The following LIG3 variants were observed in gnomAD, a reference collection of about 807,000 sequenced individuals.
LIG3 encodes DNA ligase 3, also known as ligase II, DNA, ATP-dependent.
A neutral mutation model predicts 110.9 loss-of-function variants in LIG3; 58 were observed. The observed-to-expected ratio is 0.52, with a 90% CI of 0.42 to 0.65. The LOEUF is 0.65. Among genes scored for constraint, LIG3 ranks in the 30% least tolerant of loss-of-function variants. The pLI is 0.00. For synonymous variants in LIG3, 422 were observed against 472.8 expected (o/e 0.89, Z 1.39); for missense variants, 1,094 against 1,273.8 (o/e 0.86, Z 2.15).
At chr17:35,003,052 A>AG in intron 19 of LIG3, 1 of 1,614,154 alleles carries the variant, frequency 6.2e-7, no homozygotes, top group Non-Finnish European at 8.5e-7. Flanking sequence ...GAGATAGAAC[A>AG]GCCCGGCCTA....
rs775715005 is a variant in LIG3, at chr17:34,983,353, A to T, written c.348A>T (p.Val116=). 2.0e-5 allele frequency: 32 copies of T among 1,614,146 alleles called. No homozygotes were observed. Among genetic ancestry groups the T allele is most frequent in the Middle Eastern group, 3.3e-4 (2 of 6,084 alleles). ...KKCKEKIVKG[V]CRIGKVVPNP... is the part of the protein sequence containing the mutation. ...GCAAGGAAAAGATTGTGAAGGGCGT[A>T]TGCCGAATTGGCAAAGTGGTGCCCA... Residue 116 remains valine (V), a synonymous_variant, in exon 2 of 20, where the codon GTA becomes GTT. Transcript: ENST00000378526.
At chr17:35,002,545 C>T (rs1233759467) in intron 18 of LIG3, 123 bp from the exon 19 acceptor site, 6 of 992,874 alleles carry the variant, frequency 6.0e-6, no homozygotes, top group Non-Finnish European at 8.8e-6. Context: ...GTCATCCAGG[C>T]TGGAGTGCAG....
intron 2 of LIG3, among the ~76,000 whole-genome samples, chr17:34,985,768 C>A (rs971425597): frequency 5.9e-5 from 9 of 152,132 alleles, no homozygotes; most frequent in African/African-American, 2.2e-4. Flanking sequence ...TAAATGGTAA[C>A]TGGATCTTTT....
In LIG3 at chr17:34,996,171, C is replaced by T; in HGVS notation, c.1719C>T (p.Pro573=). 2 of 1,614,172 alleles carry T rather than the reference C, an allele frequency of 1.2e-6. No individual in the cohort carries two copies. Among genetic ancestry groups the T allele is most frequent in the Non-Finnish European group, 1.7e-6 (2 of 1,180,030 alleles). ...ACAACAAGACAGGCAAACCACTGCCCTTTGGGACTCTGGGAGTACACAAGG... is the reference window on the plus strand; with the variant it reads ...ACAACAAGACAGGCAAACCACTGCCTTTTGGGACTCTGGGAGTACACAAGG... ...LIDNKTGKPL[P]FGTLGVHKKA... is the part of the protein sequence containing the mutation. The change falls in exon 10 of 20, where the codon CCC becomes CCT. Residue 573 remains proline, a synonymous_variant. Transcript: ENST00000378526.
rs773083642 is a variant in LIG3, at chr17:35,001,246, A to AC, written c.2332-10dup. 1 of 1,613,010 alleles carries AC rather than the reference A, an allele frequency of 6.2e-7. No homozygotes were observed. The highest frequency in any genetic ancestry group is 1.1e-5 in the South Asian group (1 of 91,074). ...TTAACCAGTGATGACCTGCTGGCTT[A>AC]CTCCTGACAGAAAGCTGCCGTGTGG... On this transcript the variant is annotated splice_polypyrimidine_tract_variant and intron_variant, in intron 16 of 19. Transcript: ENST00000378526.
rs1407293041 is a variant in LIG3, at chr17:34,991,022, A to G, written c.949A>G (p.Thr317Ala). 1.2e-6 allele frequency: 2 copies of G among 1,614,034 alleles called. No individual in the cohort carries two copies. Among genetic ancestry groups the G allele is most frequent in the Admixed American group, 1.7e-5 (1 of 60,008 alleles). Residue 317 changes from threonine to alanine, a missense_variant, in exon 5 of 20, where the codon ACT becomes GCT. By Grantham distance (58) the Thr-to-Ala change is moderately conservative (BLOSUM62 0). Coordinates refer to ENST00000378526, the MANE Select transcript of LIG3 (RefSeq NM_013975.4). ...GCTGCTGCTGCCAGGAGTCATTAAG[A>G]CTGTTTACAACTTGAACGATAAGCA... ...VKLLLPGVIKTVYNLNDKQIV... is the reference protein window; with the variant it reads ...VKLLLPGVIKAVYNLNDKQIV...
rs946297450 is a variant in LIG3, at chr17:34,990,993, T to A, written c.920T>A (p.Val307Glu). Residue 307 changes from valine (V) to glutamate (E), a missense_variant, in exon 5 of 20, where the codon GTG (valine) becomes GAG (glutamate). Coordinates refer to ENST00000378526, the MANE Select transcript of LIG3 (RefSeq NM_013975.4). ...TTCCACGGTGATGTGTACCTAACAG[T>A]GAAGCTGCTGCTGCCAGGAGTCATT... Reference protein sequence around the residue: ...DGFHGDVYLTVKLLLPGVIKT... With the variant: ...DGFHGDVYLTEKLLLPGVIKT... 6.2e-7 allele frequency: 1 copy of A among 1,614,070 alleles called. No individual in the cohort carries two copies. Among genetic ancestry groups the A allele is most frequent in the Non-Finnish European group, 8.5e-7 (1 of 1,180,010 alleles).
In LIG3 at chr17:35,006,602, A is replaced by T. The variant is rs1262265989; in HGVS notation, c.*2096A>T. On this transcript the variant is annotated 3_prime_UTR_variant, in exon 20 of 20. Coordinates refer to ENST00000378526, the MANE Select transcript of LIG3 (RefSeq NM_013975.4). ...AGACCCTACCCGGGAGAAGGGCCTAACCTATGACTTTAGAACCCTCAGTTG... is the reference window on the plus strand; with the variant it reads ...AGACCCTACCCGGGAGAAGGGCCTATCCTATGACTTTAGAACCCTCAGTTG... The T allele has an allele frequency of 6.6e-6, 1 of 152,180 alleles. No homozygotes were observed. The highest frequency in any genetic ancestry group is 2.4e-5 in the African/African-American group (1 of 41,414). 9.4% of individuals were successfully genotyped at this position (152,180 alleles called of 1,614,324 possible). A position where few individuals can be genotyped will look rare whatever the true frequency, so the allele number is the denominator to read the frequency against.
Position 34,980,559 on chromosome 17 carries a change from C to G in LIG3, c.-68C>G. 1 of 1,287,790 alleles carries G rather than the reference C, an allele frequency of 7.8e-7. No individual in the cohort carries two copies. Among genetic ancestry groups the G allele is most frequent in the Admixed American group, 2.3e-5 (1 of 43,382 alleles). The allele number at this position is 1,287,790 out of a possible 1,614,324, so 79.8% of individuals were successfully genotyped here. ...AGACAGGCGCTCCAACCGTCGTGGG[C>G]TGCCCGCGGCCTGTAATGAGCAAGT... On this transcript the variant is annotated 5_prime_UTR_variant, in exon 1 of 20. Transcript: ENST00000378526.
At chr17:34,981,718 A>C (rs1029235341) in intron 1 of LIG3, among the ~76,000 whole-genome samples, 1 of 152,246 alleles carries the variant, frequency 6.6e-6, no homozygotes, top group Non-Finnish European at 1.5e-5. Flanking sequence ...CACTACAGTA[A>C]GCAAAGCCTG....
At position 35,002,694 on chromosome 17, in the gene LIG3, G is replaced by A. The variant is rs139474938; in HGVS notation, c.2701G>A (p.Ala901Thr). The change falls in exon 19 of 20, where the codon GCT becomes ACT. Residue 901 changes from alanine to threonine, a missense_variant. Coordinates refer to ENST00000378526, the MANE Select transcript of LIG3 (RefSeq NM_013975.4). ...DGNMQTAKPS[A>T]MKVGEKLATK... ...CAACATGCAGACTGCAAAGCCTTCC[G>A]CTATGAAGGTGGGGGAGAAGCTGGC... 105 of 1,613,636 alleles carry A rather than the reference G, an allele frequency of 6.5e-5. No individual in the cohort carries two copies. The African/African-American group carries it at 1.0e-3, about 15-fold the overall frequency.
rs759108464 is a variant in LIG3, at chr17:35,002,722, CAA to C, written c.2731_2732del (p.Lys911ValfsTer14). ...ATGAAGGTGGGGGAGAAGCTGGCCA[CAA>C]AGTCTTCTCCAGTGAAAGTAGGGGA... On this transcript the variant is annotated frameshift_variant, in exon 19 of 20. Coordinates refer to ENST00000378526, the MANE Select transcript of LIG3 (RefSeq NM_013975.4). LOFTEE classifies it high-confidence loss of function. The C allele has an allele frequency of 5.0e-6, 8 of 1,613,388 alleles. No individual in the cohort carries two copies. The highest frequency in any genetic ancestry group is 3.3e-5 in the Admixed American group (2 of 59,868).
intron 16 of LIG3, 98 bp downstream of exon 16, chr17:34,999,954 C>G (rs1434662299): frequency 8.4e-6 from 8 of 947,756 alleles, no homozygotes; most frequent in Non-Finnish European, 1.3e-5. Flanking sequence ...GAAAGTCCAC[C>G]CAGGGATAGG....
downstream of LIG3, chr17:35,009,930 CTA>C (rs2090925319): frequency 6.6e-6 from 1 of 152,598 alleles, no homozygotes; most frequent in Non-Finnish European, 1.5e-5. Flanking sequence ...GCATTGTAAA[CTA>C]TAGTATTTAC....
chr17:35,002,142 G>T, intron 18 of LIG3, 38 bp downstream of exon 18: 1 of 1,493,962 alleles, frequency 6.7e-7, no homozygotes, highest in Non-Finnish European at 8.9e-7. Flanking sequence ...TGAAGAGGGC[G>T]GTGTGAGGGG....
At chr17:34,999,661 G>T in intron 15 of LIG3, 121 bp from the exon 16 acceptor site, 1 of 1,100,692 alleles carries the variant, frequency 9.1e-7, no homozygotes, top group East Asian at 2.4e-5. Context: ...TGGGCTGGGA[G>T]GATCACATGG....
intron 3 of LIG3, among the ~76,000 whole-genome samples, chr17:34,987,024 A>G (rs1281931565): frequency 6.6e-6 from 1 of 152,230 alleles, no homozygotes; most frequent in Non-Finnish European, 1.5e-5. Context: ...CCCATCTCCT[A>G]AAGGGGAGGA....
intron 3 of LIG3, 134 bp downstream of exon 3, chr17:34,986,265 C>A: frequency 1.2e-6 from 1 of 844,232 alleles, no homozygotes; most frequent in Non-Finnish European, 1.9e-6. Flanking sequence ...TGAGCAGAGA[C>A]TGGTAATGGC....
At chr17:35,000,616 T>C (rs1375507337) in intron 16 of LIG3, among the ~76,000 whole-genome samples, 1 of 143,492 alleles carries the variant, frequency 7.0e-6, no homozygotes, top group Non-Finnish European at 1.5e-5. Context: ...TACTTTTTTT[T>C]TTTTTTTTTT....
Sources: gnomAD v4.1 joint callset for allele counts (sites outside exome capture counted in the v4.1 genomes callset) on GRCh38, gnomAD v4.1.1 for gene constraint, MANE v1.5 for transcripts, NCBI Gene and HGNC (gene_info 2026-07-23, HGNC 2026-07-21) for gene names.